CAPSL: variants seen among roughly 807,000 people sequenced by gnomAD.
The protein encoded by CAPSL is calcyphosine like.
A neutral mutation model predicts 21.3 loss-of-function variants in CAPSL; 17 were observed. That is an observed-to-expected ratio of 0.80 (90% CI 0.55 to 1.20). CAPSL has a LOEUF of 1.20. Ranked by LOEUF, CAPSL falls within the 50% of genes most tolerant of loss-of-function variation. CAPSL has a pLI of 0.00. For synonymous variants in CAPSL, 102 were observed against 89.3 expected (o/e 1.14, Z -0.80); for missense variants, 289 against 259.3 (o/e 1.11, Z -0.79).
In CAPSL at chr5:35,919,170, A is replaced by ATTATATATATATATATATATATATATAT. The variant is rs1554069748; in HGVS notation, c.137+1813_137+1814insATATATATATATATATATATATATATAA. On this transcript the variant is annotated intron_variant, in intron 2 of 4. Coordinates refer to ENST00000651391, the MANE Select transcript of CAPSL (RefSeq NM_001042625.2). ...AGTATCTTTCCTGATTAAAAAAAAA[A>ATTATATATATATATATATATATATATAT]ATATATATATATATATATATAAAAA... is the stretch of plus-strand genomic sequence containing the variant. Among the ~76,000 whole-genome samples the ATTATATATATATATATATATATATATAT allele has an allele frequency of 1.3e-3, 153 of 121,178 alleles. 5 individuals carry two copies. Among genetic ancestry groups the ATTATATATATATATATATATATATATAT allele is most frequent in the African/African-American group, 4.4e-3 (149 of 33,764 alleles). The allele number at this position is 121,178 out of a possible 152,430, so 79.5% of individuals were successfully genotyped here.
chr5:35,931,873 C>A (rs1738835237), intron 1 of CAPSL, among the ~76,000 whole-genome samples: 1 of 152,172 alleles, frequency 6.6e-6, no homozygotes, highest in Admixed American at 6.5e-5. Flanking sequence ...TGACCTCAGA[C>A]AATTGTTTCA....
chr5:35,904,815 G>A (rs1760640793), intron 4 of CAPSL, 169 bp from the exon 5 acceptor site: 1 of 593,356 alleles, frequency 1.7e-6, no homozygotes, highest in Non-Finnish European at 2.1e-6. Context: ...TGAGGATGGT[G>A]TGAGAACAGC....
intron 4 of CAPSL, among the ~76,000 whole-genome samples, chr5:35,905,607 G>A (rs1309069460): frequency 6.6e-6 from 1 of 152,194 alleles, no homozygotes; most frequent in African/African-American, 2.4e-5. Context: ...CATGCATAGA[G>A]CCTCTGTCAA....
rs758785066 is a variant in CAPSL at position 35,904,559 on chromosome 5, C to A, written c.613G>T (p.Ala205Ser). ...AGGTCATGTGCTTAAAGCTTCCAGG[C>A]GGTTCTCATCATGATGATGAAGTAC... is the stretch of plus-strand genomic sequence containing the variant. Reference protein sequence around the residue: ...DVYFIIMMRTAWKL With the variant: ...DVYFIIMMRTSWKL Residue 205 changes from alanine (A) to serine (S), a missense_variant, in exon 5 of 5, where the codon GCC becomes TCC. Coordinates refer to ENST00000651391, the MANE Select transcript of CAPSL (RefSeq NM_001042625.2). The A allele has an allele frequency of 2.5e-6, 4 of 1,613,280 alleles. No individual in the cohort carries two copies. The highest frequency in any genetic ancestry group is 3.4e-6 in the Non-Finnish European group (4 of 1,179,620).
In CAPSL at chr5:35,921,096, G is replaced by A. The variant is rs575446116; in HGVS notation, c.25C>T (p.Arg9Ter). The A allele has an allele frequency of 8.7e-6, 14 of 1,613,984 alleles. No homozygotes were observed. Among genetic ancestry groups the A allele is most frequent in the East Asian group, 2.2e-5 (1 of 44,852 alleles). Residue 9 changes from arginine (R) to a stop codon, truncating the protein, a stop_gained, in exon 2 of 5, where the codon CGA becomes TGA. Transcript: ENST00000651391. LOFTEE classifies it high-confidence loss of function. Reference sequence around the variant, plus strand: ...TTCTTGGCCTGGATCGCCATCTCTCGGTCATGGCGCGCTGTCCCTGCCATC... The same window carrying A: ...TTCTTGGCCTGGATCGCCATCTCTCAGTCATGGCGCGCTGTCCCTGCCATC... MAGTARHD[R>*]EMAIQAKKKL...
chr5:35,924,094 C>A (rs1348501936), intron 1 of CAPSL, among the ~76,000 whole-genome samples: 1 of 152,038 alleles, frequency 6.6e-6, no homozygotes, highest in Non-Finnish European at 1.5e-5. Context: ...GAAAAACAAG[C>A]CTATGAGCTA....
chr5:35,917,014 T>C (rs1367502814), intron 2 of CAPSL, among the ~76,000 whole-genome samples: 2 of 151,782 alleles, frequency 1.3e-5, no homozygotes, highest in African/African-American at 4.8e-5. Context: ...CAAACAAATT[T>C]ACAAGAAAAA....
chr5:35,912,468 G>A (rs997897208), intron 2 of CAPSL, among the ~76,000 whole-genome samples: 3 of 152,170 alleles, frequency 2.0e-5, no homozygotes, highest in Non-Finnish European at 2.9e-5. Flanking sequence ...CCCAGTAGGG[G>A]CAGACTGACA....
chr5:35,929,308 A>AGAG (rs1738762582), intron 1 of CAPSL, among the ~76,000 whole-genome samples: 1 of 137,170 alleles, frequency 7.3e-6, no homozygotes, highest in African/African-American at 2.7e-5. Flanking sequence ...TTTCTGAAAC[A>AGAG]GAGTCTCGCT....
intron 3 of CAPSL, 53 bp from the exon 4 acceptor site, chr5:35,910,128 T>A: frequency 6.9e-7 from 1 of 1,445,316 alleles, no homozygotes; most frequent in South Asian, 1.3e-5. Context: ...ATGAGCTTTT[T>A]TGGTATCCTA....
rs1240243023 is a variant in CAPSL, at chr5:35,910,122, GC to G, written c.316-48del. The G allele has an allele frequency of 1.4e-5, 21 of 1,473,828 alleles. No individual in the cohort carries two copies. In the African/African-American group the frequency reaches 1.6e-4, roughly 11 times the overall value. 91.3% of individuals were successfully genotyped at this position (1,473,828 alleles called of 1,614,324 possible). A position where few individuals can be genotyped will look rare whatever the true frequency, so the allele number is the denominator to read the frequency against. ...TACAGAGACATACATAAGCAAATGA[GC>G]TTTTTTGGTATCCTATGTGATAAAA... On this transcript the variant is annotated intron_variant, in intron 3 of 4. Transcript: ENST00000651391.
intron 1 of CAPSL, among the ~76,000 whole-genome samples, chr5:35,927,208 C>T (rs139488639): frequency 6.6e-6 from 1 of 152,292 alleles, no homozygotes; most frequent in Non-Finnish European, 1.5e-5. Context: ...TGAGGAAGTC[C>T]TGCAGGTCCA....
At chr5:35,906,148 C>T (rs981760573) in intron 4 of CAPSL, among the ~76,000 whole-genome samples, 1 of 152,156 alleles carries the variant, frequency 6.6e-6, no homozygotes, top group Non-Finnish European at 1.5e-5. Flanking sequence ...GTTTGAGGAA[C>T]ATTTTTTACA....
At chr5:35,928,387 G>A (rs558105102) in intron 1 of CAPSL, among the ~76,000 whole-genome samples, 24 of 152,256 alleles carry the variant, frequency 1.6e-4, no homozygotes, top group Admixed American at 9.2e-4. Context: ...ATGTCCTCCC[G>A]AAGAGACTGA....
chr5:35,924,691 A>ACTATG (rs1738627730), intron 1 of CAPSL, among the ~76,000 whole-genome samples: 1 of 152,214 alleles, frequency 6.6e-6, no homozygotes, highest in Non-Finnish European at 1.5e-5. Context: ...TTTTCGAGGC[A>ACTATG]CTATGCTGGA....
chr5:35,904,820 A>C, intron 4 of CAPSL, 174 bp from the exon 5 acceptor site: 1 of 533,950 alleles, frequency 1.9e-6, no homozygotes, highest in Non-Finnish European at 2.4e-6. Context: ...ATGGTGTGAG[A>C]ACAGCACCTA....
intron 1 of CAPSL, among the ~76,000 whole-genome samples, chr5:35,927,213 G>A (rs1201566615): frequency 2.6e-5 from 4 of 152,172 alleles, no homozygotes; most frequent in Admixed American, 6.5e-5. Context: ...AAGTCCTGCA[G>A]GTCCAGCCTT....
chr5:35,932,129 C>T (rs1738839833), intron 1 of CAPSL, among the ~76,000 whole-genome samples: 1 of 152,090 alleles, frequency 6.6e-6, no homozygotes, highest in South Asian at 2.1e-4. Flanking sequence ...TTAACTGATA[C>T]TTCCAGAAAA....
At chr5:35,915,702 G>GGC (rs1738360991) in intron 2 of CAPSL, among the ~76,000 whole-genome samples, 1 of 152,156 alleles carries the variant, frequency 6.6e-6, no homozygotes, top group Admixed American at 6.6e-5. Flanking sequence ...GTATTGATGG[G>GGC]ACGTTATCTC....
Sources: allele counts gnomAD v4.1 joint callset (sites outside exome capture counted in the v4.1 genomes callset), GRCh38; gene constraint gnomAD v4.1.1; transcripts MANE v1.5; gene names NCBI Gene and HGNC (gene_info 2026-07-23, HGNC 2026-07-21).